Variants in ZNF420 observed in about 807,000 individuals in gnomAD.
The protein encoded by ZNF420 is zinc finger protein 420.
A neutral mutation model predicts 44.7 loss-of-function variants in ZNF420; 31 were observed. The ratio of observed to expected loss-of-function variants is 0.69; its 90% CI spans 0.52 to 0.94. The LOEUF (loss-of-function observed/expected upper bound fraction) is 0.94. Among genes scored for constraint, ZNF420 ranks in the 40% least tolerant of loss-of-function variants. The pLI, the probability that ZNF420 is intolerant of heterozygous loss-of-function variation, is 0.00. For synonymous variants in ZNF420, 245 were observed against 267.4 expected, an observed-to-expected ratio of 0.92 and a Z score of 0.82; for missense variants, 681 against 827.9, an observed-to-expected ratio of 0.82 and a Z score of 2.18.
chr19:37,116,668 A>G (rs10408359), intron 4 of ZNF420, among the ~76,000 whole-genome samples: 79,701 of 152,112 alleles, frequency 0.52, 21,638 homozygotes, highest in African/African-American at 0.63. Flanking sequence ...TACCTCACTC[A>G]GTAAGTGCAA....
chr19:37,094,921 A>G (rs1232076444), intron 4 of ZNF420, among the ~76,000 whole-genome samples: 1 of 152,080 alleles, frequency 6.6e-6, no homozygotes, highest in Non-Finnish European at 1.5e-5. Flanking sequence ...TCACGAGGTC[A>G]AGAGATCAAG....
chr19:37,103,901 C>A (rs1040291208), intron 4 of ZNF420, among the ~76,000 whole-genome samples: 6 of 151,798 alleles, frequency 4.0e-5, no homozygotes, highest in Admixed American at 3.9e-4. Flanking sequence ...AGCTCCATTT[C>A]TTTGCTACTT....
At chr19:37,068,085 T>C (rs1026906601) in intron 1 of ZNF420, among the ~76,000 whole-genome samples, 1 of 152,116 alleles carries the variant, frequency 6.6e-6, no homozygotes, top group African/African-American at 2.4e-5. Context: ...TGTAGGTTGG[T>C]AGAAACAATG....
Position 37,127,185 on chromosome 19 carries a change from C to T in ZNF420, c.194C>T (p.Thr65Ile). The T allele has an allele frequency of 3.8e-6, 6 of 1,576,680 alleles. No individual in the cohort carries two copies. The highest frequency in any genetic ancestry group is 3.4e-6 in the Non-Finnish European group (4 of 1,161,608). ...DLSPEKNTYE[T>I]ELSQWEMSDR... ...TCTCCAGAAAAGAACACTTATGAAACAGAATTATCCCAATGGGAAATGAGT... is the reference window on the plus strand; with the variant it reads ...TCTCCAGAAAAGAACACTTATGAAATAGAATTATCCCAATGGGAAATGAGT... Residue 65 changes from threonine to isoleucine, a missense_variant, in exon 5 of 5, where the codon ACA (threonine) becomes ATA (isoleucine). Physicochemically the swap from Thr to Ile is moderately conservative, Grantham distance 89 (BLOSUM62 -1). Coordinates refer to ENST00000337995, the MANE Select transcript of ZNF420 (RefSeq NM_144689.5).
intron 4 of ZNF420, among the ~76,000 whole-genome samples, chr19:37,099,054 A>G (rs1234880711): frequency 3.3e-5 from 5 of 152,164 alleles, no homozygotes; most frequent in Non-Finnish European, 5.9e-5. Context: ...CTGCATATAT[A>G]CCACATTTTT....
chr19:37,120,563 C>T (rs978614373), intron 4 of ZNF420, among the ~76,000 whole-genome samples: 9 of 152,192 alleles, frequency 5.9e-5, no homozygotes, highest in African/African-American at 1.9e-4. Context: ...AAAACTGGCA[C>T]AAGACAGAGA....
intron 1 of ZNF420, among the ~76,000 whole-genome samples, chr19:37,061,825 C>T (rs115156232): frequency 0.024 from 3,678 of 152,252 alleles, 161 homozygotes; most frequent in African/African-American, 0.083. Flanking sequence ...AGAAACAATA[C>T]ACGTAAGATG....
At chr19:37,066,373 G>A (rs1429642845) in intron 1 of ZNF420, among the ~76,000 whole-genome samples, 1 of 151,808 alleles carries the variant, frequency 6.6e-6, no homozygotes, top group East Asian at 1.9e-4. Flanking sequence ...AACCCGGGAG[G>A]CAGAGGTTGC....
At chr19:37,122,218 G>A (rs1055084744) in intron 4 of ZNF420, among the ~76,000 whole-genome samples, 1 of 151,808 alleles carries the variant, frequency 6.6e-6, no homozygotes, top group Non-Finnish European at 1.5e-5. Flanking sequence ...CAACCCAAAT[G>A]TCCAACAATG....
At chr19:37,054,084 G>A (rs560178515) in intron 1 of ZNF420, among the ~76,000 whole-genome samples, 10 of 152,236 alleles carry the variant, frequency 6.6e-5, no homozygotes, top group East Asian at 1.9e-4. Context: ...CAGCCTCGCC[G>A]CCCCCTTGCA....
chr19:37,094,126 A>G (rs919663032), intron 4 of ZNF420, among the ~76,000 whole-genome samples: 2 of 152,170 alleles, frequency 1.3e-5, no homozygotes, highest in Non-Finnish European at 2.9e-5. Context: ...GAAATTCTCT[A>G]GGTTTTTCAA....
chr19:37,031,840 T>C (rs1382281810), intron 1 of ZNF420, among the ~76,000 whole-genome samples: 1 of 152,232 alleles, frequency 6.6e-6, no homozygotes, highest in East Asian at 1.9e-4. Flanking sequence ...TGTATCCTAC[T>C]GCATCTGGCT....
At chr19:37,072,402 A>C (rs1968072256) in intron 1 of ZNF420, among the ~76,000 whole-genome samples, 1 of 152,222 alleles carries the variant, frequency 6.6e-6, no homozygotes, top group Admixed American at 6.5e-5. Flanking sequence ...AGGGACAAAA[A>C]TTCAGGCAAG....
chr19:37,049,942 A>C lies in ZNF420; in HGVS notation c.-124-30403A>C, dbSNP rs1200455603. Among the ~76,000 whole-genome samples the C allele has an allele frequency of 2.0e-5, 3 of 152,312 alleles. No individual in the cohort carries two copies. In the East Asian group the frequency reaches 5.8e-4, roughly 29 times the overall value. ...TTCAGCTTTCTACATATGGCTAGCC[A>C]GTTTTCCCAGCACCATTTATTAAAT... is the stretch of plus-strand genomic sequence containing the variant. On this transcript the variant is annotated intron_variant, in intron 1 of 4. Transcript: ENST00000587029.
At chr19:37,119,159 G>A (rs1003079691) in intron 4 of ZNF420, among the ~76,000 whole-genome samples, 1 of 151,756 alleles carries the variant, frequency 6.6e-6, no homozygotes, top group Non-Finnish European at 1.5e-5. Context: ...CAAATCAACA[G>A]AATATACATT....
chr19:37,073,834 A>C (rs1968103277), upstream of ZNF420, among the ~76,000 whole-genome samples: 1 of 152,120 alleles, frequency 6.6e-6, no homozygotes, highest in South Asian at 2.1e-4. Context: ...GGAAGTGCTC[A>C]AAGACAAATG....
chr19:37,086,037 A>G (rs894826588), intron 2 of ZNF420, among the ~76,000 whole-genome samples: 1 of 151,492 alleles, frequency 6.6e-6, no homozygotes, highest in Non-Finnish European at 1.5e-5. Flanking sequence ...TCTGGCCTCA[A>G]GTAATCTTCC....
chr19:37,129,891 A>C lies in ZNF420; in HGVS notation c.*833A>C, dbSNP rs1021925536. 2.1e-5 allele frequency: 24 copies of C among 1,149,720 alleles called. No individual in the cohort carries two copies. Among genetic ancestry groups the C allele is most frequent in the Non-Finnish European group, 2.8e-5 (24 of 860,226 alleles). The allele number at this position is 1,149,720 out of a possible 1,614,324, so 71.2% of individuals were successfully genotyped here. On this transcript the variant is annotated 3_prime_UTR_variant, in exon 5 of 5. Transcript: ENST00000337995. ...AGGAATTTTTTAAAAACTTGAATGTATTGCTTTTGAAGTAAACAAAATAAC... is the reference window on the plus strand; with the variant it reads ...AGGAATTTTTTAAAAACTTGAATGTCTTGCTTTTGAAGTAAACAAAATAAC...
At chr19:37,008,505 C>T (rs974678049) in intron 1 of ZNF420, among the ~76,000 whole-genome samples, 1 of 152,170 alleles carries the variant, frequency 6.6e-6, no homozygotes, top group Non-Finnish European at 1.5e-5. Flanking sequence ...CAAGACCACA[C>T]CTCAGCCAAG....
Sources: gnomAD v4.1 joint callset for allele counts (sites outside exome capture counted in the v4.1 genomes callset) on GRCh38, gnomAD v4.1.1 for gene constraint, MANE v1.5 for transcripts, NCBI Gene and HGNC (gene_info 2026-07-23, HGNC 2026-07-21) for gene names.